CSMD1: variants seen among roughly 807,000 people sequenced by gnomAD.
The protein encoded by CSMD1 is CUB and Sushi multiple domains 1.
A neutral mutation model predicts 417.5 loss-of-function variants in CSMD1; 213 were observed. The observed-to-expected ratio is 0.51, with a 90% CI of 0.46 to 0.57. The LOEUF is 0.57. CSMD1 is among the 20% of genes least tolerant of loss of function. The pLI is 0.00. For missense variants in CSMD1, 6,923 were observed against 4,529.7 expected (o/e 1.53, Z -15.17); for synonymous variants, 2,862 against 1,736.8 (o/e 1.65, Z -16.11).
At chr8:4,051,866 T>TTCTTTCCTTTCTATCTC (rs148729822) in intron 3 of CSMD1, among the ~76,000 whole-genome samples, 2 of 119,714 alleles carry the variant, frequency 1.7e-5, no homozygotes, top group African/African-American at 6.5e-5. Flanking sequence ...CTTTCTTTCT[T>TTCTTTCCTTTCTATCTC]TCCTTCCTCC....
intron 1 of CSMD1, among the ~76,000 whole-genome samples, chr8:4,874,017 T>C (rs193007642): frequency 6.6e-6 from 1 of 152,294 alleles, no homozygotes; most frequent in Admixed American, 6.5e-5. Context: ...TGTAATCGCA[T>C]GATTAGTCTA....
At chr8:4,728,876 G>C (rs907595209) in intron 1 of CSMD1, among the ~76,000 whole-genome samples, 1 of 152,144 alleles carries the variant, frequency 6.6e-6, no homozygotes, top group Non-Finnish European at 1.5e-5. Flanking sequence ...GGGAAGGGGA[G>C]AATTATTGGA....
intron 5 of CSMD1, among the ~76,000 whole-genome samples, chr8:3,792,885 G>A (rs1350585567): frequency 6.6e-6 from 1 of 152,142 alleles, no homozygotes; most frequent in Non-Finnish European, 1.5e-5. Flanking sequence ...CTTGCCTTGA[G>A]AACATCTAAC....
rs149598036 is a variant in CSMD1, at chr8:3,435,854, C to G, written c.1562-26249G>C. On this transcript the variant is annotated intron_variant, in intron 12 of 69. Coordinates refer to ENST00000635120, the MANE Select transcript of CSMD1 (RefSeq NM_033225.6). ...ATGGCAGGGGGCTGATGCCTTGATT[C>G]CTCCTGACTTTGCTTCTGCCCCACT... Among the ~76,000 whole-genome samples the G allele has an allele frequency of 3.3e-3, 503 of 152,334 alleles. 3 individuals carry two copies. The highest frequency in any genetic ancestry group is 0.023 in the South Asian group (112 of 4,828).
At chr8:3,270,806 G>T (rs570304285) in intron 26 of CSMD1, among the ~76,000 whole-genome samples, 1 of 152,148 alleles carries the variant, frequency 6.6e-6, no homozygotes, top group South Asian at 2.1e-4. Context: ...CCAAGACTGG[G>T]TAATTTATAA....
intron 5 of CSMD1, among the ~76,000 whole-genome samples, chr8:3,874,725 C>T (rs74758087): frequency 0.049 from 7,479 of 152,168 alleles, 381 homozygotes; most frequent in African/African-American, 0.13. Flanking sequence ...GCGCCCACTG[C>T]TCTTGGCAAT....
At chr8:4,860,463 C>T (rs943075563) in intron 1 of CSMD1, among the ~76,000 whole-genome samples, 9 of 151,922 alleles carry the variant, frequency 5.9e-5, no homozygotes, top group South Asian at 4.1e-4. Context: ...GCCCTGCTCT[C>T]GCCATGTAAT....
At chr8:4,549,966 T>C (rs1797798200) in intron 2 of CSMD1, among the ~76,000 whole-genome samples, 3 of 149,986 alleles carry the variant, frequency 2.0e-5, no homozygotes, top group Admixed American at 2.0e-4. Context: ...TTCAACATTC[T>C]CTTAAAATGG....
In CSMD1 at chr8:2,951,290, G is replaced by A. The variant is rs992645974; in HGVS notation, c.10040-15C>T. The A allele has an allele frequency of 5.0e-6, 8 of 1,592,026 alleles. No homozygotes were observed. In the East Asian group the frequency reaches 1.1e-4, roughly 22 times the overall value. ...ATCTGAAGGAACTGTGGGAAGGGGG[G>A]AAACAGACCAATGTCAGCACACACA... is the stretch of plus-strand genomic sequence containing the variant. On this transcript the variant is annotated splice_polypyrimidine_tract_variant and intron_variant, in intron 65 of 69. Coordinates refer to ENST00000635120, the MANE Select transcript of CSMD1 (RefSeq NM_033225.6).
intron 29 of CSMD1, among the ~76,000 whole-genome samples, chr8:3,217,927 C>A (rs1238147610): frequency 6.6e-6 from 1 of 151,998 alleles, no homozygotes; most frequent in Non-Finnish European, 1.5e-5. Context: ...AAAGAAAACC[C>A]TCCTAACTGT....
At chr8:3,722,681 T>C (rs1802256730) in intron 6 of CSMD1, among the ~76,000 whole-genome samples, 1 of 152,214 alleles carries the variant, frequency 6.6e-6, no homozygotes, top group South Asian at 2.1e-4. Flanking sequence ...TTCGGTAAAT[T>C]GCCCTAGGAT....
At chr8:4,076,231 T>G (rs192386118) in intron 3 of CSMD1, among the ~76,000 whole-genome samples, 25 of 152,284 alleles carry the variant, frequency 1.6e-4, no homozygotes, top group Admixed American at 5.9e-4. Context: ...TTTTCCCCCG[T>G]TTCTTGGCAC....
At chr8:3,925,752 G>A (rs562034136) in intron 5 of CSMD1, among the ~76,000 whole-genome samples, 1 of 152,072 alleles carries the variant, frequency 6.6e-6, no homozygotes, top group African/African-American at 2.4e-5. Flanking sequence ...CAGCCATGTG[G>A]AACTGTAAGT....
Position 3,704,192 on chromosome 8 carries a change from G to A in CSMD1, c.1009+4222C>T, listed in dbSNP as rs138725281. 1.8e-4 allele frequency among the ~76,000 whole-genome samples: 27 copies of A among 152,292 alleles called. No individual in the cohort carries two copies. The East Asian group carries it at 5.0e-3, about 28-fold the overall frequency. On this transcript the variant is annotated intron_variant, in intron 7 of 69. Coordinates refer to ENST00000635120, the MANE Select transcript of CSMD1 (RefSeq NM_033225.6). ...GTGAAGGCTGGTTGTTGGAGATGCA[G>A]CCGGCCTGAAAAATCACAGCTACAG...
chr8:4,310,659 A>C (rs1274997454), intron 3 of CSMD1, among the ~76,000 whole-genome samples: 2 of 152,144 alleles, frequency 1.3e-5, no homozygotes, highest in Non-Finnish European at 2.9e-5. Context: ...CGAGACTATA[A>C]AATTTAGGGG....
rs764260510 is a variant in CSMD1 at position 3,525,608 on chromosome 8, C to T, written c.1345-31882G>A. On this transcript the variant is annotated intron_variant, in intron 10 of 69. Transcript: ENST00000635120. ...GATAAGTCTGTCACTAGGAGGGCATCGTATCTTCAAAACCTCTTGCCTGAC... is the reference window on the plus strand; with the variant it reads ...GATAAGTCTGTCACTAGGAGGGCATTGTATCTTCAAAACCTCTTGCCTGAC... Among the ~76,000 whole-genome samples the T allele has an allele frequency of 3.9e-5, 6 of 152,234 alleles. No homozygotes were observed. In the East Asian group the frequency reaches 7.7e-4, roughly 20 times the overall value.
In CSMD1 at chr8:3,520,039, T is replaced by TATATATACACAC. The variant is rs545212684; in HGVS notation, c.1345-26314_1345-26313insGTGTGTATATAT. On this transcript the variant is annotated intron_variant, in intron 10 of 69. Transcript: ENST00000635120. ...ATATACCTATATATATATATATATATACACGTATAGTTGTGAAACTTGCTC... is the reference window on the plus strand; with the variant it reads ...ATATACCTATATATATATATATATATATATATACACACACACGTATAGTTGTGAAACTTGCTC... 1.7e-4 allele frequency among the ~76,000 whole-genome samples: 25 copies of TATATATACACAC among 147,182 alleles called. No homozygotes were observed. In the South Asian group the frequency reaches 3.4e-3, roughly 20 times the overall value.
chr8:4,212,744 CCTTATT>C (rs1800393224), intron 3 of CSMD1, among the ~76,000 whole-genome samples: 1 of 119,486 alleles, frequency 8.4e-6, no homozygotes, highest in African/African-American at 4.1e-5. Flanking sequence ...ACAACAGCGG[CCTTATT>C]CTTTTTTTTT....
At chr8:4,818,613 C>T (rs962673007) in intron 1 of CSMD1, among the ~76,000 whole-genome samples, 3 of 152,072 alleles carry the variant, frequency 2.0e-5, no homozygotes, top group African/African-American at 4.8e-5. Flanking sequence ...TTGTCACACC[C>T]TTGAGGGAAA....
Sources: allele counts gnomAD v4.1 joint callset (sites outside exome capture counted in the v4.1 genomes callset), GRCh38; gene constraint gnomAD v4.1.1; transcripts MANE v1.5; gene names NCBI Gene and HGNC (gene_info 2026-07-23, HGNC 2026-07-21).